Variants in SLC9B2 observed in about 807,000 individuals in gnomAD.
SLC9B2 encodes sodium/hydrogen exchanger 9B2.
In SLC9B2, 39 loss-of-function variants were observed where a neutral mutation model predicts 52.2. That is an observed-to-expected ratio of 0.75 (90% CI 0.58 to 0.98). The LOEUF (loss-of-function observed/expected upper bound fraction) is 0.98, where lower values mean the gene tolerates loss of function less well. SLC9B2 is among the 50% of genes least tolerant of loss of function. The pLI is 0.00. For synonymous variants in SLC9B2, 214 were observed against 227.0 expected (o/e 0.94, Z 0.51); for missense variants, 626 against 637.5 (o/e 0.98, Z 0.19).
chr4:103,062,246 C>A (rs531039630), intron 3 of SLC9B2, among the ~76,000 whole-genome samples: 17 of 152,102 alleles, frequency 1.1e-4, no homozygotes, highest in Admixed American at 1.0e-3. Context: ...CATGGTGAAA[C>A]CCCGTCTCTA....
At chr4:103,043,075 G>A (rs906701457) in intron 9 of SLC9B2, among the ~76,000 whole-genome samples, 6 of 151,892 alleles carry the variant, frequency 4.0e-5, no homozygotes, top group Middle Eastern at 3.4e-3. Flanking sequence ...AAGGCATTAC[G>A]GTAGTATGAC....
chr4:103,040,306 G>A (rs1578449216), intron 9 of SLC9B2, among the ~76,000 whole-genome samples: 1 of 152,274 alleles, frequency 6.6e-6, no homozygotes, highest in Admixed American at 6.5e-5. Flanking sequence ...AGTAATGAAA[G>A]TAGAAGGACT....
At chr4:103,055,227 C>T (rs1016881713) in intron 4 of SLC9B2, among the ~76,000 whole-genome samples, 32 of 97,250 alleles carry the variant, frequency 3.3e-4, no homozygotes, top group South Asian at 1.2e-3. Flanking sequence ...TATCACACAC[C>T]GGGGCCTGTT....
At chr4:103,061,134 A>G (rs1745604167) in intron 3 of SLC9B2, among the ~76,000 whole-genome samples, 2 of 152,202 alleles carry the variant, frequency 1.3e-5, no homozygotes, top group Non-Finnish European at 1.5e-5. Context: ...TAGAAATACC[A>G]TTTGACCCAG....
chr4:103,039,791 C>A lies in SLC9B2; in HGVS notation c.1146+3505G>T, dbSNP rs148144063. Among the ~76,000 whole-genome samples, 1,233 of 151,118 alleles carry A rather than the reference C, an allele frequency of 8.2e-3. 18 individuals are homozygous for A. Among genetic ancestry groups the A allele is most frequent in the African/African-American group, 0.029 (1,180 of 41,186 alleles). ...CCTCCCGAGTAGCTGGGACTATAGG[C>A]GCATACCACCATGCCCGGCTAATTT... On this transcript the variant is annotated intron_variant, in intron 9 of 11. Coordinates refer to ENST00000394785, the MANE Select transcript of SLC9B2 (RefSeq NM_178833.7).
At position 103,026,550 on chromosome 4, in the gene SLC9B2, A is replaced by G. The variant is rs1283628069; in HGVS notation, c.1434T>C (p.His478=). ...GSVALDTARS[H]GEKQLEDYGM... ...CATAGTCTTCTAATTGTTTCTCTCC[A>G]TGTGACCTTGCTGTGTCCAAAGCCA... The change falls in exon 12 of 12, where the codon CAT becomes CAC. Residue 478 remains histidine, a synonymous_variant. Coordinates refer to ENST00000394785, the MANE Select transcript of SLC9B2 (RefSeq NM_178833.7). 1 of 1,613,884 alleles carries G rather than the reference A, an allele frequency of 6.2e-7. No homozygotes were observed. Among genetic ancestry groups the G allele is most frequent in the Admixed American group, 1.7e-5 (1 of 59,966 alleles).
intron 6 of SLC9B2, among the ~76,000 whole-genome samples, chr4:103,047,737 T>C (rs1744300977): frequency 6.6e-6 from 1 of 152,126 alleles, no homozygotes; most frequent in Non-Finnish European, 1.5e-5. Context: ...TCCTTTTTTA[T>C]GGCTGCGTAG....
At position 103,047,195 on chromosome 4, in the gene SLC9B2, C is replaced by A. The variant is rs1369575938; in HGVS notation, c.745G>T (p.Val249Leu). Residue 249 changes from valine to leucine, a missense_variant, in exon 7 of 12, where the codon GTG becomes TTG. Transcript: ENST00000394785. Reference sequence around the variant, plus strand: ...TGCAAAAGGAGCATTGAAGGCACCACAACAGCTGGAGATACAGCACCTAAA... The same window carrying A: ...TGCAAAAGGAGCATTGAAGGCACCAAAACAGCTGGAGATACAGCACCTAAA... ...FVLGAVSPAVVVPSMLLLQGG... is the reference protein window; with the variant it reads ...FVLGAVSPAVLVPSMLLLQGG... 6.2e-7 allele frequency: 1 copy of A among 1,613,576 alleles called. No homozygotes were observed. The highest frequency in any genetic ancestry group is 1.3e-5 in the African/African-American group (1 of 74,896).
At position 103,047,145 on chromosome 4, in the gene SLC9B2, C is replaced by T. The variant is rs115187074; in HGVS notation, c.795G>A (p.Lys265=). ...CTGCCATGAGCAAGGTTGGGACACC[C>T]TTCTCAACACCATAGCCTCCTCCCT... ...LLQGGGYGVE[K]GVPTLLMAAG... is the part of the protein sequence containing the mutation. Residue 265 remains lysine, a synonymous_variant, in exon 7 of 12, where the codon AAG becomes AAA. Coordinates refer to ENST00000394785, the MANE Select transcript of SLC9B2 (RefSeq NM_178833.7). 318 of 1,613,946 alleles carry T rather than the reference C, an allele frequency of 2.0e-4. 2 individuals carry two copies. The African/African-American group carries it at 4.0e-3, about 20-fold the overall frequency.
intron 11 of SLC9B2, 50 bp from the exon 12 acceptor site, chr4:103,026,641 T>TA (rs776916947): frequency 3.5e-5 from 53 of 1,526,164 alleles, no homozygotes; most frequent in Non-Finnish European, 4.2e-5. Context: ...TAAGCACATA[T>TA]AAAAAAAGTG....
intron 6 of SLC9B2, 91 bp downstream of exon 6, chr4:103,048,802 A>C: frequency 6.9e-7 from 1 of 1,447,490 alleles, no homozygotes; most frequent in Non-Finnish European, 9.2e-7. Flanking sequence ...GATATCTATA[A>C]GAAAATTCTA....
chr4:103,022,347 C>A lies in SLC9B2; in HGVS notation c.*4023G>T, dbSNP rs760034908. On this transcript the variant is annotated 3_prime_UTR_variant, in exon 12 of 12. Transcript: ENST00000394785. ...ATTCATTATATACAAAAAAATTCTT[C>A]AATCTACATAGCATCATAAAAGCCA... is the stretch of plus-strand genomic sequence containing the variant. Among the ~76,000 whole-genome samples the A allele has an allele frequency of 4.1e-4, 62 of 152,150 alleles. No homozygotes were observed. The highest frequency in any genetic ancestry group is 6.3e-4 in the Non-Finnish European group (43 of 68,034).
At chr4:103,067,273 T>C (rs1191513407) in intron 2 of SLC9B2, among the ~76,000 whole-genome samples, 188 bp downstream of exon 2, 1 of 152,172 alleles carries the variant, frequency 6.6e-6, no homozygotes, top group Non-Finnish European at 1.5e-5. Flanking sequence ...AGAGATTAGG[T>C]CAGAGACACA....
At chr4:103,035,936 T>C (rs1743134964) in intron 9 of SLC9B2, among the ~76,000 whole-genome samples, 1 of 152,112 alleles carries the variant, frequency 6.6e-6, no homozygotes, top group Admixed American at 6.6e-5. Context: ...TAGAATACTA[T>C]GCAGATATGA....
chr4:103,047,412 C>CT (rs1744258411), intron 6 of SLC9B2, among the ~76,000 whole-genome samples, 186 bp from the exon 7 acceptor site: 8 of 145,540 alleles, frequency 5.5e-5, no homozygotes, highest in Admixed American at 4.9e-4. Flanking sequence ...TTTTATTATA[C>CT]TTTAAGTTTT....
intron 9 of SLC9B2, among the ~76,000 whole-genome samples, chr4:103,036,436 T>C (rs1353697210): frequency 6.6e-6 from 1 of 151,880 alleles, no homozygotes; most frequent in Non-Finnish European, 1.5e-5. Flanking sequence ...GGTGACAAAA[T>C]TGTCTGTACT....
intron 1 of SLC9B2, among the ~76,000 whole-genome samples, chr4:103,069,686 C>T (rs545212819): frequency 6.6e-6 from 1 of 152,288 alleles, no homozygotes; most frequent in Non-Finnish European, 1.5e-5. Flanking sequence ...GTTTTTGAGG[C>T]CCACTTCTTG....
chr4:103,046,260 TA>T (rs746219915), intron 7 of SLC9B2, among the ~76,000 whole-genome samples: 179 of 152,332 alleles, frequency 1.2e-3, no homozygotes, highest in Non-Finnish European at 2.1e-3. Flanking sequence ...GTCAATCATA[TA>T]ATGTTGCAAA....
chr4:103,062,334 G>A (rs1745725126), intron 3 of SLC9B2, among the ~76,000 whole-genome samples: 1 of 151,550 alleles, frequency 6.6e-6, no homozygotes, highest in Admixed American at 6.6e-5. Context: ...AAGGAGAATT[G>A]CTTGAACCCA....
Sources: gnomAD v4.1 joint callset for allele counts (sites outside exome capture counted in the v4.1 genomes callset) on GRCh38, gnomAD v4.1.1 for gene constraint, MANE v1.5 for transcripts, NCBI Gene and HGNC (gene_info 2026-07-23, HGNC 2026-07-21) for gene names.